The following PLXDC2 variants were observed in gnomAD, a reference collection of about 807,000 sequenced individuals.
PLXDC2 encodes plexin domain-containing protein 2.
Under a neutral mutation model 68.9 loss-of-function variants are expected in PLXDC2, and 40 were observed. The ratio of observed to expected loss-of-function variants is 0.58; its 90% confidence interval spans 0.45 to 0.76. PLXDC2 has a LOEUF of 0.76. Among genes scored for constraint, PLXDC2 ranks in the 30% least tolerant of loss-of-function variants. The pLI, the probability that PLXDC2 is intolerant of heterozygous loss-of-function variation, is 0.00. For missense variants in PLXDC2, 644 were observed against 661.9 expected, an observed-to-expected ratio of 0.97 and a Z score of 0.30; for synonymous variants, 243 against 234.2, an observed-to-expected ratio of 1.04 and a Z score of -0.34.
At chr10:19,892,210 C>G (rs1837974835) in intron 1 of PLXDC2, among the ~76,000 whole-genome samples, 1 of 152,152 alleles carries the variant, frequency 6.6e-6, no homozygotes, top group African/African-American at 2.4e-5. Flanking sequence ...CAGCCACTGT[C>G]TAAGGGCTCT....
intron 2 of PLXDC2, among the ~76,000 whole-genome samples, chr10:20,004,625 A>G (rs1364364386): frequency 6.6e-6 from 1 of 152,192 alleles, no homozygotes; most frequent in Admixed American, 6.5e-5. Context: ...TAAGTATGTA[A>G]AGACTTTTAA....
chr10:20,102,327 A>G (rs1398479827), intron 4 of PLXDC2, among the ~76,000 whole-genome samples: 1 of 152,208 alleles, frequency 6.6e-6, no homozygotes, highest in Non-Finnish European at 1.5e-5. Context: ...CCTAAATTGC[A>G]GTACATTTGC....
intron 1 of PLXDC2, among the ~76,000 whole-genome samples, chr10:19,990,624 A>G (rs960350675): frequency 1.3e-5 from 2 of 152,188 alleles, no homozygotes; most frequent in Non-Finnish European, 2.9e-5. Context: ...TTTAAGGAAT[A>G]TATCACAAAA....
intron 9 of PLXDC2, among the ~76,000 whole-genome samples, chr10:20,178,244 T>G (rs11011841): frequency 6.6e-6 from 1 of 151,948 alleles, no homozygotes; most frequent in Non-Finnish European, 1.5e-5. Flanking sequence ...CATAATTTAC[T>G]GGTGTCAAAG....
At chr10:19,842,275 C>T (rs1836923878) in intron 1 of PLXDC2, among the ~76,000 whole-genome samples, 1 of 152,090 alleles carries the variant, frequency 6.6e-6, no homozygotes, top group South Asian at 2.1e-4. Context: ...ATACTGGAGT[C>T]ATTTTGATAA....
chr10:20,162,667 T>C (rs1398327641), intron 6 of PLXDC2, among the ~76,000 whole-genome samples: 2 of 152,114 alleles, frequency 1.3e-5, no homozygotes, highest in Admixed American at 6.6e-5. Flanking sequence ...TACTTTCATA[T>C]TAGAGTACTC....
At chr10:20,141,472 G>A in intron 4 of PLXDC2, among the ~76,000 whole-genome samples, 1 of 152,046 alleles carries the variant, frequency 6.6e-6, no homozygotes, top group South Asian at 2.1e-4. Context: ...AAGTTAAGCA[G>A]TTTCTTCTAT....
chr10:20,013,354 A>G (rs1403770292), intron 2 of PLXDC2, among the ~76,000 whole-genome samples: 1 of 152,216 alleles, frequency 6.6e-6, no homozygotes, highest in Non-Finnish European at 1.5e-5. Context: ...CCTCTTATTA[A>G]GGAACTCTTT....
intron 1 of PLXDC2, among the ~76,000 whole-genome samples, chr10:19,826,494 T>C (rs1358537090): frequency 1.3e-5 from 2 of 152,216 alleles, no homozygotes; most frequent in East Asian, 3.8e-4. Context: ...ATTTGAAGAA[T>C]ATTTTAATAC....
chr10:20,114,116 C>T (rs936982173), intron 4 of PLXDC2, among the ~76,000 whole-genome samples: 1 of 152,048 alleles, frequency 6.6e-6, no homozygotes, highest in African/African-American at 2.4e-5. Context: ...AGAGTGAGAC[C>T]CCATGTCAAA....
chr10:19,884,177 G>A (rs918467722), intron 1 of PLXDC2, among the ~76,000 whole-genome samples: 4 of 151,814 alleles, frequency 2.6e-5, no homozygotes, highest in Non-Finnish European at 5.9e-5. Flanking sequence ...AATTACAGGT[G>A]TGAACCACTG....
At chr10:20,239,188 G>A (rs1835481142) in intron 12 of PLXDC2, among the ~76,000 whole-genome samples, 1 of 152,080 alleles carries the variant, frequency 6.6e-6, no homozygotes, top group African/African-American at 2.4e-5. Context: ...TGCTTGTTTA[G>A]TTTTTGTTTG....
chr10:19,965,179 G>C (rs913703901), intron 1 of PLXDC2, among the ~76,000 whole-genome samples: 16 of 152,152 alleles, frequency 1.1e-4, no homozygotes, highest in African/African-American at 3.4e-4. Flanking sequence ...TATTAAACTA[G>C]ATGATCCATT....
At chr10:19,962,557 A>AT (rs1471589159) in intron 1 of PLXDC2, among the ~76,000 whole-genome samples, 1 of 148,214 alleles carries the variant, frequency 6.7e-6, no homozygotes, top group Admixed American at 6.7e-5. Flanking sequence ...CGCCCGGCTA[A>AT]TTTTTTTGTA....
chr10:19,986,721 C>G (rs1275244492), intron 1 of PLXDC2, among the ~76,000 whole-genome samples: 1 of 152,166 alleles, frequency 6.6e-6, no homozygotes, highest in Non-Finnish European at 1.5e-5. Context: ...GTCTTTTCCT[C>G]TCTTTATCCA....
intron 12 of PLXDC2, among the ~76,000 whole-genome samples, chr10:20,227,648 T>C (rs1463625498): frequency 6.6e-6 from 1 of 152,154 alleles, no homozygotes; most frequent in East Asian, 1.9e-4. Context: ...TCAGCATTCA[T>C]AGTCTTTTAC....
chr10:19,994,846 A>G (rs1290030630), intron 1 of PLXDC2, among the ~76,000 whole-genome samples: 1 of 151,362 alleles, frequency 6.6e-6, no homozygotes, highest in East Asian at 2.0e-4. Context: ...GTGTTCGAGT[A>G]ATTCTCCTGC....
At chr10:20,159,756 C>A (rs566410432) in intron 6 of PLXDC2, among the ~76,000 whole-genome samples, 1 of 152,170 alleles carries the variant, frequency 6.6e-6, no homozygotes, top group Non-Finnish European at 1.5e-5. Flanking sequence ...TAGAGACAAC[C>A]TTTTAACTCC....
chr10:20,143,824 A>C (rs1198055992), intron 5 of PLXDC2, among the ~76,000 whole-genome samples: 1 of 152,110 alleles, frequency 6.6e-6, no homozygotes, highest in Admixed American at 6.5e-5. Context: ...TATGACTTGT[A>C]TGTATCAATA....
Sources: allele counts gnomAD v4.1 joint callset (sites outside exome capture counted in the v4.1 genomes callset), GRCh38; gene constraint gnomAD v4.1.1; transcripts MANE v1.5; gene names NCBI Gene and HGNC (gene_info 2026-07-23, HGNC 2026-07-21).